Variants in TEX101 observed in about 807,000 individuals in gnomAD.
TEX101 encodes the protein testis-expressed protein 101.
TEX101 carries 10 observed loss-of-function variants against 18.1 expected under a neutral mutation model. The observed-to-expected ratio is 0.55, with a 90% CI of 0.34 to 0.94. The LOEUF (loss-of-function observed/expected upper bound fraction) is 0.94. Among genes scored for constraint, TEX101 ranks in the 40% least tolerant of loss-of-function variants. The pLI, the probability that TEX101 is intolerant of heterozygous loss-of-function variation, is 0.02. For missense variants in TEX101, 259 were observed against 298.9 expected (o/e 0.87, Z 0.98); for synonymous variants, 94 against 114.8 (o/e 0.82, Z 1.16).
upstream of TEX101, among the ~76,000 whole-genome samples, chr19:43,398,944 C>T (rs944770981): frequency 6.6e-6 from 1 of 152,110 alleles, no homozygotes; most frequent in African/African-American, 2.4e-5. Flanking sequence ...AGCTCAATAG[C>T]GCTCCATTCT....
chr19:43,402,516 C>T (rs934068889), intron 1 of TEX101, among the ~76,000 whole-genome samples: 1 of 151,866 alleles, frequency 6.6e-6, no homozygotes, highest in African/African-American at 2.4e-5. Flanking sequence ...TCGGGAATTA[C>T]AGTGTCATGC....
At chr19:43,410,777 T>C (rs776470840), upstream of TEX101, among the ~76,000 whole-genome samples, 3 of 147,652 alleles carry the variant, frequency 2.0e-5, no homozygotes, top group Non-Finnish European at 3.0e-5. Flanking sequence ...CACACAGACA[T>C]ACATATATAC....
chr19:43,403,569 A>ATTAT (rs1970336092), intron 2 of TEX101, among the ~76,000 whole-genome samples: 1 of 152,186 alleles, frequency 6.6e-6, no homozygotes, highest in Non-Finnish European at 1.5e-5. Context: ...TGTACCCTAG[A>ATTAT]ACTTAAAGTA....
chr19:43,410,268 G>A (rs1249580994), upstream of TEX101, among the ~76,000 whole-genome samples: 1 of 152,138 alleles, frequency 6.6e-6, no homozygotes, highest in East Asian at 1.9e-4. Context: ...TTGGAGGAAT[G>A]GGCTTTGAAG....
chr19:43,409,600 G>C (rs1970401020), intron 3 of TEX101, among the ~76,000 whole-genome samples: 1 of 150,428 alleles, frequency 6.6e-6, no homozygotes, highest in Admixed American at 6.6e-5. Context: ...GCACAAGAAA[G>C]TTGAAGTACT....
At chr19:43,397,168 T>C (rs1444745846), upstream of TEX101, among the ~76,000 whole-genome samples, 1 of 152,102 alleles carries the variant, frequency 6.6e-6, no homozygotes, top group South Asian at 2.1e-4. Context: ...AGCTGGGTGA[T>C]TGTGACTTGG....
intron 3 of TEX101, among the ~76,000 whole-genome samples, chr19:43,406,787 G>A (rs1970368021): frequency 6.6e-6 from 1 of 152,142 alleles, no homozygotes; most frequent in Non-Finnish European, 1.5e-5. Flanking sequence ...GAGTTCAGAC[G>A]GTGAAAGCAG....
chr19:43,402,795 G>A (rs1056726020), exon 2 of TEX101: 2 of 152,174 alleles, frequency 1.3e-5, no homozygotes, highest in African/African-American at 4.8e-5. Context: ...TGTTAGCCAG[G>A]ATGGTCTCGA....
upstream of TEX101, among the ~76,000 whole-genome samples, chr19:43,414,257 G>A (rs182749226): frequency 1.6e-4 from 25 of 152,324 alleles, no homozygotes; most frequent in East Asian, 2.7e-3. Flanking sequence ...ACACGGACGC[G>A]TGGGTTCGAT....
upstream of TEX101, chr19:43,414,876 C>A (rs915791721): frequency 2.0e-6 from 2 of 985,322 alleles, no homozygotes; most frequent in Admixed American, 6.1e-5. Flanking sequence ...CAGGCTGGCC[C>A]GGCCTTGCGT....
chr19:43,394,933 G>A, the TEX101 span, among the ~76,000 whole-genome samples: 7 of 152,254 alleles, frequency 4.6e-5, no homozygotes, highest in South Asian at 1.2e-3. Context: ...AGTATCTGGG[G>A]TCTTGTGAAT....
chr19:43,413,320 T>A (rs527371099), upstream of TEX101, among the ~76,000 whole-genome samples: 1 of 151,916 alleles, frequency 6.6e-6, no homozygotes, highest in Non-Finnish European at 1.5e-5. Flanking sequence ...GCTAACACAG[T>A]GAAACCCCAT....
rs185590176 is a variant in TEX101 at position 43,402,508 on chromosome 19, G to A, written c.-376-258G>A. On this transcript the variant is annotated intron_variant, in intron 1 of 7. Coordinates refer to the TEX101 transcript ENST00000602198. ...ACTTTATGGCTGGATGTAAAAAGTCGGGAATTACAGTGTCATGCAGCAGCA... is the reference window on the plus strand; with the variant it reads ...ACTTTATGGCTGGATGTAAAAAGTCAGGAATTACAGTGTCATGCAGCAGCA... Among the ~76,000 whole-genome samples, 781 of 152,142 alleles carry A rather than the reference G, an allele frequency of 5.1e-3. 8 individuals carry two copies. The highest frequency in any genetic ancestry group is 7.8e-3 in the Non-Finnish European group (532 of 68,002).
rs115680926 is a variant in TEX101 at position 43,408,984 on chromosome 19, G to A, written c.15+2465G>A. 5.3e-3 allele frequency among the ~76,000 whole-genome samples: 804 copies of A among 152,308 alleles called. 8 individuals carry two copies. Among genetic ancestry groups the A allele is most frequent in the African/African-American group, 0.018 (742 of 41,558 alleles). On this transcript the variant is annotated intron_variant, in intron 3 of 7. Transcript: ENST00000602198. ...TCATTCTACTTCCAACTCACAAGTT[G>A]AAGCGTAGATTTACATGCAGTCAAA... is the stretch of plus-strand genomic sequence containing the variant.
intron 2 of TEX101, among the ~76,000 whole-genome samples, chr19:43,403,755 A>G (rs1252944449): frequency 6.6e-6 from 1 of 152,096 alleles, no homozygotes. Flanking sequence ...TTATAGATAG[A>G]CATTTACTGA....
At chr19:43,417,510 A>G (rs1453695180) in intron 4 of TEX101, among the ~76,000 whole-genome samples, 2 of 152,158 alleles carry the variant, frequency 1.3e-5, no homozygotes, top group Non-Finnish European at 1.5e-5. Context: ...TTCAGGTATC[A>G]GCTCTTTGAA....
chr19:43,416,575 G>A lies in TEX101; in HGVS notation c.391+20G>A, dbSNP rs779658473. The stretch of plus-strand genomic sequence containing the variant: ...CCACAGGTACCCTGGAAGTGGGGGA[G>A]ATAGGTACTAAGAGAAACTCCATAA... On this transcript the variant is annotated intron_variant, in intron 4 of 5. Transcript: ENST00000598265. 10 of 1,606,662 alleles carry A rather than the reference G, an allele frequency of 6.2e-6. No individual in the cohort carries two copies. Among genetic ancestry groups the A allele is most frequent in the Non-Finnish European group, 8.5e-6 (10 of 1,175,836 alleles).
intron 1 of TEX101, among the ~76,000 whole-genome samples, chr19:43,401,973 C>G (rs2122317574): frequency 6.6e-6 from 1 of 152,340 alleles, no homozygotes; most frequent in Non-Finnish European, 1.5e-5. Context: ...CCACGGCAGT[C>G]TATGAATTAA....
At chr19:43,395,367 TG>T in the TEX101 span, among the ~76,000 whole-genome samples, 1 of 152,232 alleles carries the variant, frequency 6.6e-6, no homozygotes, top group South Asian at 2.1e-4. Context: ...TGGCGAATTT[TG>T]GGGTGACTTA....
Sources: allele counts gnomAD v4.1 joint callset (sites outside exome capture counted in the v4.1 genomes callset), GRCh38; gene constraint gnomAD v4.1.1; transcripts MANE v1.5; gene names NCBI Gene and HGNC (gene_info 2026-07-23, HGNC 2026-07-21).